Variants in DNAH9 observed in about 807,000 individuals in gnomAD.
DNAH9 encodes DNAH9 variant protein.
DNAH9 carries 345 observed loss-of-function variants against 471.6 expected under a neutral mutation model. That is an observed-to-expected ratio of 0.73 (90% CI 0.67 to 0.80). The LOEUF is 0.80. Ranked by LOEUF, DNAH9 falls within the 30% of genes least tolerant of loss-of-function variation. The probability of loss-of-function intolerance (pLI) is 0.00; values close to 1 mark genes in which losing one functional copy is unlikely to be tolerated. For missense variants in DNAH9, 5,407 were observed against 5,609.2 expected (o/e 0.96, Z 1.15); for synonymous variants, 2,093 against 2,123.6 (o/e 0.99, Z 0.40).
chr17:11,888,495 A>C (rs997874158), intron 57 of DNAH9, among the ~76,000 whole-genome samples: 6 of 152,162 alleles, frequency 3.9e-5, no homozygotes, highest in Non-Finnish European at 8.8e-5. Context: ...AAAACAAGAA[A>C]TTAAATGAGG....
chr17:11,747,394 T>C (rs1471962714), intron 31 of DNAH9, among the ~76,000 whole-genome samples, 162 bp from the exon 32 acceptor site: 5 of 152,210 alleles, frequency 3.3e-5, no homozygotes, highest in Non-Finnish European at 7.3e-5. Flanking sequence ...AAATGAATCA[T>C]GTTGCCCCTA....
chr17:11,817,239 T>C (rs1383473447), intron 45 of DNAH9, among the ~76,000 whole-genome samples: 3 of 152,178 alleles, frequency 2.0e-5, no homozygotes, highest in Non-Finnish European at 4.4e-5. Flanking sequence ...AAGAAGGAAT[T>C]ATAGGAACAA....
In DNAH9 at chr17:11,934,101, G is replaced by A. The variant is rs556093158; in HGVS notation, c.12489+30G>A. 3.0e-4 allele frequency: 485 copies of A among 1,596,492 alleles called. 4 individuals are homozygous for A. The highest frequency in any genetic ancestry group is 2.3e-3 in the South Asian group (206 of 88,078). ...GACTCTGCTCTGTGCTTCTGATGTC[G>A]TGAGGGTGCTCACAGGGCCCTGGGT... On this transcript the variant is annotated intron_variant, in intron 65 of 68. Transcript: ENST00000262442.
rs1208849452 is a variant in DNAH9 at position 11,752,888 on chromosome 17, G to A, written c.6666G>A (p.Lys2222=). The A allele has an allele frequency of 6.2e-7, 1 of 1,610,120 alleles. No homozygotes were observed. The highest frequency in any genetic ancestry group is 8.5e-7 in the Non-Finnish European group (1 of 1,177,952). ...ELANITHDGP[K]WILLDGDIDP... is the part of the protein sequence containing the mutation. ...CCAACATCACCCATGATGGGCCCAA[G>A]TGGATTTTACTGGATGGCGACATAG... Residue 2222 remains lysine, a synonymous_variant, in exon 33 of 69, where the codon AAG becomes AAA. Transcript: ENST00000262442.
chr17:11,705,419 T>C, intron 26 of DNAH9: 1 of 497,190 alleles, frequency 2.0e-6, no homozygotes. Flanking sequence ...AATTACTAAA[T>C]GGTCATACAC....
intron 50 of DNAH9, among the ~76,000 whole-genome samples, chr17:11,854,991 GA>G (rs1971572180): frequency 6.6e-6 from 1 of 152,202 alleles, no homozygotes; most frequent in Admixed American, 6.5e-5. Flanking sequence ...TGGAGATGGG[GA>G]TGGTGATCTT....
At chr17:11,794,235 G>A (rs761049140) in intron 42 of DNAH9, among the ~76,000 whole-genome samples, 121 of 151,758 alleles carry the variant, frequency 8.0e-4, no homozygotes, top group Non-Finnish European at 1.1e-3. Flanking sequence ...TAGTAGAGAC[G>A]GAGTTTCACT....
At chr17:11,845,112 G>A (rs943677976) in intron 49 of DNAH9, among the ~76,000 whole-genome samples, 7 of 150,630 alleles carry the variant, frequency 4.6e-5, no homozygotes, top group African/African-American at 1.2e-4. Flanking sequence ...CCACTAACTC[G>A]TCATCTAGCA....
At chr17:11,834,328 CAAAAAAA>C (rs762924565) in intron 48 of DNAH9, among the ~76,000 whole-genome samples, 10 of 77,860 alleles carry the variant, frequency 1.3e-4, no homozygotes, top group Admixed American at 2.0e-4. Context: ...GACTCCGTCT[CAAAAAAA>C]AAAAAAAAAA....
In DNAH9 at chr17:11,690,148, T is replaced by A; in HGVS notation, c.4326T>A (p.Thr1442=). 1 of 1,614,214 alleles carries A rather than the reference T, an allele frequency of 6.2e-7. No homozygotes were observed. Among genetic ancestry groups the A allele is most frequent in the Non-Finnish European group, 8.5e-7 (1 of 1,180,036 alleles). The change falls in exon 20 of 69, where the codon ACT becomes ACA. Residue 1442 remains threonine, a synonymous_variant. Coordinates refer to ENST00000262442, the MANE Select transcript of DNAH9 (RefSeq NM_001372.4). ...GMEKTLKELQ[T]TWAGMEFQYE... ...AGAAAACCTTAAAGGAGCTGCAGAC[T>A]ACCTGGGCTGGCATGGAATTCCAGT...
chr17:11,959,524 T>C (rs11657380), intron 67 of DNAH9, among the ~76,000 whole-genome samples: 26,511 of 152,150 alleles, frequency 0.17, 2,415 homozygotes, highest in Admixed American at 0.21. Context: ...ATAAGCAGCA[T>C]ATTAAACCCA....
intron 51 of DNAH9, among the ~76,000 whole-genome samples, chr17:11,870,323 A>G (rs551858482): frequency 2.0e-5 from 3 of 152,348 alleles, no homozygotes; most frequent in Admixed American, 1.3e-4. Flanking sequence ...ATATCAGCTA[A>G]GACTCTGCAA....
rs138830601 is a variant in DNAH9 at position 11,675,367 on chromosome 17, C to A, written c.3354-4390C>A. On this transcript the variant is annotated intron_variant, in intron 17 of 68. Coordinates refer to ENST00000262442, the MANE Select transcript of DNAH9 (RefSeq NM_001372.4). ...CTTTGGTGTTTGCAACGTACATGGT[C>A]ATCATCTACTAATTTATGATAGTTT... Among the ~76,000 whole-genome samples the A allele has an allele frequency of 2.2e-3, 338 of 152,222 alleles. 3 individuals carry two copies. The highest frequency in any genetic ancestry group is 7.6e-3 in the African/African-American group (317 of 41,550).
chr17:11,747,754 G>T lies in DNAH9; in HGVS notation c.6598G>T (p.Glu2200Ter), dbSNP rs1360739052. The change falls in exon 32 of 69, where the codon GAA (glutamate) becomes TAA (stop). Residue 2200 changes from glutamate to a stop codon, truncating the protein, a stop_gained. Transcript: ENST00000262442. LOFTEE classifies it high-confidence loss of function. ...LFGIINPATG[E>*]WKDGLFSSIM... Reference sequence around the variant, plus strand: ...TGGCATCATCAATCCAGCCACAGGAGAATGGAAGGATGGTAAGAGTGGGAT... The same window carrying T: ...TGGCATCATCAATCCAGCCACAGGATAATGGAAGGATGGTAAGAGTGGGAT... The T allele has an allele frequency of 6.2e-7, 1 of 1,613,664 alleles. No homozygotes were observed. The highest frequency in any genetic ancestry group is 8.5e-7 in the Non-Finnish European group (1 of 1,179,626).
intron 67 of DNAH9, among the ~76,000 whole-genome samples, chr17:11,948,583 T>C (rs2151438550): frequency 6.6e-6 from 1 of 152,262 alleles, no homozygotes; most frequent in Non-Finnish European, 1.5e-5. Flanking sequence ...AGTTCAGGTC[T>C]GGAAGGGTGG....
intron 38 of DNAH9, among the ~76,000 whole-genome samples, chr17:11,779,182 G>A (rs1051895538): frequency 1.3e-5 from 2 of 152,074 alleles, no homozygotes; most frequent in Admixed American, 1.3e-4. Flanking sequence ...ATGTACAGAC[G>A]ACCTTGGGCC....
chr17:11,765,367 GAA>G, intron 36 of DNAH9, among the ~76,000 whole-genome samples: 1 of 152,332 alleles, frequency 6.6e-6, no homozygotes, highest in East Asian at 1.9e-4. Flanking sequence ...AAGGAAGGTA[GAA>G]AGTTTCAGCC....
intron 67 of DNAH9, among the ~76,000 whole-genome samples, chr17:11,956,351 AT>A (rs1975640011): frequency 1.3e-5 from 2 of 152,068 alleles, no homozygotes; most frequent in Admixed American, 6.5e-5. Context: ...AAGCAAAAAA[AT>A]GATAGAATCA....
At chr17:11,779,057 A>T (rs1015215714) in intron 38 of DNAH9, among the ~76,000 whole-genome samples, 1 of 152,122 alleles carries the variant, frequency 6.6e-6, no homozygotes, top group Admixed American at 6.5e-5. Flanking sequence ...ATGGCAGTGC[A>T]ATAGTATCCA....
Sources: gnomAD v4.1 joint callset for allele counts (sites outside exome capture counted in the v4.1 genomes callset) on GRCh38, gnomAD v4.1.1 for gene constraint, MANE v1.5 for transcripts, NCBI Gene and HGNC (gene_info 2026-07-23, HGNC 2026-07-21) for gene names.